Variants in NEK10 observed in about 807,000 individuals in gnomAD.
NEK10 encodes the protein serine/threonine-protein kinase Nek10.
In NEK10, 122 loss-of-function variants were observed where a neutral mutation model predicts 159.8. That is an observed-to-expected ratio of 0.76 (90% confidence interval 0.66 to 0.89). The LOEUF (loss-of-function observed/expected upper bound fraction) is 0.89, where lower values mean the gene tolerates loss of function less well. Among genes scored for constraint, NEK10 ranks in the 40% least tolerant of loss-of-function variants. NEK10 has a pLI of 0.00. For synonymous variants in NEK10, 466 were observed against 457.1 expected, an observed-to-expected ratio of 1.02 and a Z score of -0.25; for missense variants, 1,342 against 1,323.1, an observed-to-expected ratio of 1.01 and a Z score of -0.22.
chr3:27,352,629 C>T, intron 2 of NEK10, 104 bp from the exon 3 acceptor site: 1 of 896,902 alleles, frequency 1.1e-6, no homozygotes, highest in South Asian at 1.4e-5. Context: ...CTTTTATCAA[C>T]TGGAATGAAT....
Position 27,359,117 on chromosome 3 carries a change from A to C in NEK10, c.-37-6198T>G, listed in dbSNP as rs1470879942. Reference sequence around the variant, plus strand: ...CTCAGGAGGCTGAGGCAGGAGAATCACTTGAACCCAGGAGGCAGAGGTTGC... The same window carrying C: ...CTCAGGAGGCTGAGGCAGGAGAATCCCTTGAACCCAGGAGGCAGAGGTTGC... On this transcript the variant is annotated intron_variant, in intron 1 of 35. Transcript: ENST00000691995. Among the ~76,000 whole-genome samples the C allele has an allele frequency of 1.7e-4, 25 of 150,738 alleles. No homozygotes were observed. In the Admixed American group the frequency reaches 1.7e-3, roughly 10 times the overall value.
At chr3:27,143,531 T>C (rs1943989989) in intron 30 of NEK10, 3 of 725,514 alleles carry the variant, frequency 4.1e-6, no homozygotes, top group Middle Eastern at 2.3e-4. Context: ...TAATCAACTA[T>C]GCAATTTTTT....
chr3:27,302,869 A>T (rs2043941112), intron 12 of NEK10, among the ~76,000 whole-genome samples: 1 of 151,756 alleles, frequency 6.6e-6, no homozygotes, highest in Non-Finnish European at 1.5e-5. Context: ...TTCTCTTAAA[A>T]CTCAAATTGT....
chr3:27,352,720 C>A, intron 2 of NEK10, 92 bp downstream of exon 2: 2 of 917,110 alleles, frequency 2.2e-6, no homozygotes, highest in South Asian at 1.4e-5. Flanking sequence ...TAGTAGTTGT[C>A]AAGAGTCTTC....
At position 27,252,281 on chromosome 3, in the gene NEK10, G is replaced by A; in HGVS notation, c.2090+4015C>T. On this transcript the variant is annotated intron_variant, in intron 23 of 35. Coordinates refer to ENST00000691995, the MANE Select transcript of NEK10 (RefSeq NM_001394966.1). ...GGTTGCTATTTGGGGCAAGTGATCA[G>A]GGAAATCCTCTCTACATAAGTGGCA... The A allele has an allele frequency of 6.2e-6, 3 of 480,468 alleles. No homozygotes were observed. In the Admixed American group the frequency reaches 6.6e-5, roughly 11 times the overall value. The allele number at this position is 480,468 out of a possible 1,614,324, so 29.8% of individuals were successfully genotyped here.
chr3:27,141,953 T>C (rs10510591), intron 30 of NEK10, among the ~76,000 whole-genome samples: 35,790 of 152,164 alleles, frequency 0.24, 4,604 homozygotes, highest in Middle Eastern at 0.38. Flanking sequence ...TGCTTTTAAC[T>C]TTTAAATTCA....
At chr3:27,335,254 C>T (rs1210669363) in intron 5 of NEK10, among the ~76,000 whole-genome samples, 1 of 151,384 alleles carries the variant, frequency 6.6e-6, no homozygotes, top group Non-Finnish European at 1.5e-5. Flanking sequence ...GCAGGAGATT[C>T]GCTTGAACCT....
chr3:27,222,123 A>G (rs1247221221), intron 23 of NEK10, among the ~76,000 whole-genome samples: 1 of 152,198 alleles, frequency 6.6e-6, no homozygotes, highest in Non-Finnish European at 1.5e-5. Flanking sequence ...CTGTAATCCC[A>G]GCAATTTGGG....
At chr3:27,164,230 G>T (rs1053908124) in intron 29 of NEK10, among the ~76,000 whole-genome samples, 2 of 152,302 alleles carry the variant, frequency 1.3e-5, no homozygotes, top group East Asian at 3.9e-4. Context: ...TTTGAAAAGA[G>T]GCATGATGAC....
At chr3:27,219,848 T>C (rs1596701) in intron 23 of NEK10, among the ~76,000 whole-genome samples, 36,145 of 152,084 alleles carry the variant, frequency 0.24, 4,631 homozygotes, top group Middle Eastern at 0.39. Context: ...ACAAAAAAAT[T>C]ACAGCTAATA....
chr3:27,355,389 G>A (rs2048262546), intron 1 of NEK10, among the ~76,000 whole-genome samples: 1 of 152,004 alleles, frequency 6.6e-6, no homozygotes, highest in African/African-American at 2.4e-5. Context: ...TGCCTAATGA[G>A]CATCCCAAAT....
intron 5 of NEK10, among the ~76,000 whole-genome samples, chr3:27,330,602 T>C (rs1224104351): frequency 1.3e-5 from 2 of 152,224 alleles, no homozygotes; most frequent in African/African-American, 4.8e-5. Context: ...TTTTCCAAAA[T>C]TTTTAAAGCA....
intron 26 of NEK10, among the ~76,000 whole-genome samples, chr3:27,184,804 C>T (rs539404149): frequency 7.2e-5 from 11 of 152,194 alleles, no homozygotes; most frequent in East Asian, 5.8e-4. Context: ...AAATATTGTC[C>T]TTTAAAAATA....
At chr3:27,127,772 A>C (rs1409810984) in intron 32 of NEK10, among the ~76,000 whole-genome samples, 1 of 152,152 alleles carries the variant, frequency 6.6e-6, no homozygotes, top group Non-Finnish European at 1.5e-5. Context: ...TTCTATGTTT[A>C]AGTCAGGAAG....
At chr3:27,299,684 A>G (rs2043647052) in intron 13 of NEK10, among the ~76,000 whole-genome samples, 1 of 152,240 alleles carries the variant, frequency 6.6e-6, no homozygotes, top group Non-Finnish European at 1.5e-5. Flanking sequence ...ACATAGCCAC[A>G]GGGGCGGAGC....
intron 26 of NEK10, among the ~76,000 whole-genome samples, chr3:27,178,050 AAGG>A (rs1456250418): frequency 1.3e-5 from 2 of 152,180 alleles, no homozygotes; most frequent in Non-Finnish European, 2.9e-5. Flanking sequence ...ATACGGCGGC[AAGG>A]AGAATACAAC....
chr3:27,192,641 T>G (rs1459750764), intron 25 of NEK10, among the ~76,000 whole-genome samples: 2 of 151,336 alleles, frequency 1.3e-5, no homozygotes, highest in Non-Finnish European at 2.9e-5. Context: ...TTCATTAGTG[T>G]GGATATTCTA....
In NEK10 at chr3:27,284,632, T is replaced by A; in HGVS notation, c.1984A>T (p.Met662Leu). Reference protein sequence around the residue: ...VHRDLTPNNIMLGDKDKVTVT... With the variant: ...VHRDLTPNNILLGDKDKVTVT... ...GTTACTTTGTCCTTATCCCCCAACA[T>A]AATGTTGTTTGGTGTCAGATCTCTA... Residue 662 changes from methionine to leucine, a missense_variant, in exon 22 of 36, where the codon ATG (methionine) becomes TTG (leucine). Met to Leu is a conservative substitution (Grantham distance 15). Coordinates refer to ENST00000691995, the MANE Select transcript of NEK10 (RefSeq NM_001394966.1). The A allele has an allele frequency of 6.2e-7, 1 of 1,602,602 alleles. No individual in the cohort carries two copies. The highest frequency in any genetic ancestry group is 8.6e-7 in the Non-Finnish European group (1 of 1,169,564).
intron 30 of NEK10, among the ~76,000 whole-genome samples, chr3:27,146,009 A>G (rs1522167): frequency 0.099 from 15,015 of 152,170 alleles, 2,395 homozygotes; most frequent in African/African-American, 0.34. Flanking sequence ...TCTCCTTCCC[A>G]TAATGAAATA....
Sources: allele counts gnomAD v4.1 joint callset (sites outside exome capture counted in the v4.1 genomes callset), GRCh38; gene constraint gnomAD v4.1.1; transcripts MANE v1.5; gene names NCBI Gene and HGNC (gene_info 2026-07-23, HGNC 2026-07-21).